Variants in NEMP2 observed in about 807,000 individuals in gnomAD.
The protein encoded by NEMP2 is UPF0571 transmembrane protein.
Under a neutral mutation model 54.2 loss-of-function variants are expected in NEMP2, and 53 were observed. The observed-to-expected ratio is 0.98, with a 90% confidence interval of 0.78 to 1.23. NEMP2 has a LOEUF of 1.23. Ranked by LOEUF, NEMP2 falls within the 50% of genes most tolerant of loss-of-function variation. The probability of loss-of-function intolerance (pLI) is 0.00; values close to 1 mark genes in which losing one functional copy is unlikely to be tolerated. For missense variants in NEMP2, 455 were observed against 511.3 expected (o/e 0.89, Z 1.06); for synonymous variants, 197 against 190.3 (o/e 1.04, Z -0.29).
In NEMP2 at chr2:190,521,623, G is replaced by C. The variant is rs1323314585; in HGVS notation, c.214-2440C>G. On this transcript the variant is annotated intron_variant, in intron 2 of 8. Coordinates refer to ENST00000409150, the MANE Select transcript of NEMP2 (RefSeq NM_001142645.2). This position sits in a 1 kb window ranked among gnomAD's most constrained non-coding sequence, Gnocchi z 6.2. ...AAGCTGCCTGTGCCTGCAGTCTCTA[G>C]TTCCTCTCCTTCCATTCTCCCTTTA... 2.0e-5 allele frequency among the ~76,000 whole-genome samples: 3 copies of C among 152,154 alleles called. No individual in the cohort carries two copies. The highest frequency in any genetic ancestry group is 4.4e-5 in the Non-Finnish European group (3 of 68,024).
the NEMP2 span, among the ~76,000 whole-genome samples, chr2:190,424,588 G>A: frequency 6.6e-6 from 1 of 152,098 alleles, no homozygotes; most frequent in South Asian, 2.1e-4. This position sits in a 1 kb window ranked among gnomAD's most constrained non-coding sequence, Gnocchi z 5.9. Flanking sequence ...GTCCACCTCG[G>A]CCACCAAAGT....
At chr2:190,474,133 C>A in the NEMP2 span, among the ~76,000 whole-genome samples, 2 of 151,888 alleles carry the variant, frequency 1.3e-5, no homozygotes, top group South Asian at 2.1e-4. Flanking sequence ...AAAATTGACG[C>A]CCTAACATCA....
chr2:190,460,480 TTTGTTAA>T, the NEMP2 span, among the ~76,000 whole-genome samples: 1 of 152,316 alleles, frequency 6.6e-6, no homozygotes, highest in African/African-American at 2.4e-5. Flanking sequence ...TCAATAAGTA[TTTGTTAA>T]TTGATATTCT....
chr2:190,479,839 T>A, the NEMP2 span, among the ~76,000 whole-genome samples: 1 of 152,140 alleles, frequency 6.6e-6, no homozygotes, highest in African/African-American at 2.4e-5. Context: ...GGGAGCCGGG[T>A]TAAGATTTTG....
chr2:190,484,027 T>G, the NEMP2 span, among the ~76,000 whole-genome samples: 45,689 of 151,932 alleles, frequency 0.3, 8,203 homozygotes, highest in African/African-American at 0.49. Flanking sequence ...AAGGAAGGAC[T>G]GAGAAACTAA....
the NEMP2 span, among the ~76,000 whole-genome samples, chr2:190,449,581 C>T: frequency 3.9e-5 from 6 of 152,122 alleles, no homozygotes; most frequent in Non-Finnish European, 2.9e-5. Context: ...TTTATTGCGG[C>T]ACTATTCACA....
the NEMP2 span, among the ~76,000 whole-genome samples, chr2:190,577,429 G>A: frequency 6.6e-6 from 1 of 152,064 alleles, no homozygotes; most frequent in African/African-American, 2.4e-5. This position sits in a 1 kb window ranked among gnomAD's most constrained non-coding sequence, Gnocchi z 4.8. Context: ...AATAATGGCT[G>A]TTCTTAAAAA....
At chr2:190,541,099 G>A in the NEMP2 span, among the ~76,000 whole-genome samples, 2 of 150,626 alleles carry the variant, frequency 1.3e-5, no homozygotes, top group Admixed American at 1.3e-4. This position sits in a 1 kb window ranked among gnomAD's most constrained non-coding sequence, Gnocchi z 5.2. Flanking sequence ...TATTTATTTG[G>A]GTCTTCTCTT....
chr2:190,585,981 C>T, the NEMP2 span, among the ~76,000 whole-genome samples: 20 of 152,118 alleles, frequency 1.3e-4, no homozygotes, highest in Non-Finnish European at 2.1e-4. The surrounding 1 kb of genome is among the most constrained non-coding windows in gnomAD (Gnocchi z 5.3). Context: ...CTAGACACAC[C>T]GTTTGCTTAT....
At chr2:190,484,986 C>T in the NEMP2 span, among the ~76,000 whole-genome samples, 41 of 152,152 alleles carry the variant, frequency 2.7e-4, no homozygotes, top group South Asian at 7.5e-3. Context: ...ATGTAATTCC[C>T]AATTATCTAA....
chr2:190,474,371 T>A, the NEMP2 span, among the ~76,000 whole-genome samples: 7 of 152,134 alleles, frequency 4.6e-5, no homozygotes, highest in Non-Finnish European at 7.3e-5. Flanking sequence ...CAATAAAAAA[T>A]GATAAAGGGG....
At position 190,534,652 on chromosome 2, in the gene NEMP2, C is replaced by G. The variant is rs13412879; in HGVS notation, c.4G>C (p.Gly2Arg). ...AGCCACCACCGCCCTTGGCGCGGCC[C>G]CATTTCGTTAGGGGTCAGCTCCGTG... M[G>R]PRQGRWWLLL... Residue 2 changes from glycine (G) to arginine (R), a missense_variant, in exon 1 of 9, where the codon GGG becomes CGG. By Grantham distance (125) the Gly-to-Arg change is moderately radical. Around this residue, in one of 3 missense-constraint regions of NEMP2, gnomAD observed 100 missense variants for 80.2 expected, o/e 1.25. Transcript: ENST00000409150. The G allele has an allele frequency of 0.19, 248,797 of 1,318,522 alleles. 24,055 individuals are homozygous for G. The highest frequency in any genetic ancestry group is 0.24 in the Middle Eastern group (1,044 of 4,282). 81.7% of individuals were successfully genotyped at this position (1,318,522 alleles called of 1,614,324 possible).
intron 6 of NEMP2, among the ~76,000 whole-genome samples, chr2:190,515,061 T>A (rs1051297528): frequency 2.0e-4 from 30 of 152,094 alleles, no homozygotes. Context: ...GAAAAGGTAA[T>A]TTTACAGTGG....
the NEMP2 span, among the ~76,000 whole-genome samples, chr2:190,540,176 A>G: frequency 2.6e-5 from 4 of 152,142 alleles, no homozygotes; most frequent in African/African-American, 9.7e-5. Context: ...TGGAACGATC[A>G]TATGGTTTTT....
intron 3 of NEMP2, 39 bp from the exon 4 acceptor site, chr2:190,518,847 T>A (rs1289180613): frequency 1.3e-6 from 2 of 1,524,740 alleles, no homozygotes; most frequent in Non-Finnish European, 1.8e-6. Flanking sequence ...AACAAAGATT[T>A]TTTATCAATG....
At chr2:190,635,905 G>A in the NEMP2 span, among the ~76,000 whole-genome samples, 8 of 151,936 alleles carry the variant, frequency 5.3e-5, no homozygotes, top group South Asian at 4.1e-4. This position sits in a 1 kb window ranked among gnomAD's most constrained non-coding sequence, Gnocchi z 4.1. Flanking sequence ...CTCACTCTGC[G>A]GCCCAGGCTG....
chr2:190,645,440 T>C, the NEMP2 span, among the ~76,000 whole-genome samples: 2 of 152,202 alleles, frequency 1.3e-5, no homozygotes, highest in Non-Finnish European at 2.9e-5. Flanking sequence ...CTTCAAAACA[T>C]ATTCTAACTC....
the NEMP2 span, among the ~76,000 whole-genome samples, chr2:190,575,118 G>C: frequency 1.3e-5 from 2 of 151,850 alleles, no homozygotes; most frequent in Admixed American, 6.6e-5. Flanking sequence ...CCCTCCCAAA[G>C]TGCTGGGATT....
chr2:190,547,475 C>A, the NEMP2 span, among the ~76,000 whole-genome samples: 70 of 152,236 alleles, frequency 4.6e-4, no homozygotes, highest in African/African-American at 1.4e-3. The surrounding 1 kb of genome is among the most constrained non-coding windows in gnomAD (Gnocchi z 6.2). Flanking sequence ...ATTGAGATAA[C>A]ATCTTTATTT....
Sources: allele counts gnomAD v4.1 joint callset (sites outside exome capture counted in the v4.1 genomes callset), GRCh38; gene constraint gnomAD v4.1.1; regional missense constraint gnomAD v4.1.1; non-coding constraint Gnocchi (gnomAD v3.1); transcripts MANE v1.5; gene names NCBI Gene and HGNC (gene_info 2026-07-23, HGNC 2026-07-21).